Variants in ADCY2 observed in about 807,000 individuals in gnomAD.
ADCY2 encodes the protein adenylate cyclase type 2.
In ADCY2, 31 loss-of-function variants were observed where a neutral mutation model predicts 125.2. The observed-to-expected ratio is 0.25, with a 90% CI of 0.19 to 0.33. The LOEUF (loss-of-function observed/expected upper bound fraction) is 0.33. Among genes scored for constraint, ADCY2 ranks in the 10% least tolerant of loss-of-function variants. The pLI is 1.00. For missense variants in ADCY2, 904 were observed against 1,418.2 expected (o/e 0.64, Z 5.82); for synonymous variants, 512 against 548.4 (o/e 0.93, Z 0.93).
intron 16 of ADCY2, 73 bp from the exon 17 acceptor site, chr5:7,766,614 A>G (rs1743386702): frequency 6.6e-7 from 1 of 1,517,972 alleles, no homozygotes; most frequent in African/African-American, 1.4e-5. Flanking sequence ...CAGAATTCAT[A>G]AAGTTAGCAC....
intron 19 of ADCY2, among the ~76,000 whole-genome samples, chr5:7,787,013 G>A (rs547982288): frequency 6.6e-6 from 1 of 152,234 alleles, no homozygotes; most frequent in South Asian, 2.1e-4. Flanking sequence ...GATTCTCCTG[G>A]GCTCTTCCTT....
rs573199059 is a variant in ADCY2 at position 7,558,546 on chromosome 5, T to G, written c.570+37647T>G. 1.1e-4 allele frequency among the ~76,000 whole-genome samples: 16 copies of G among 152,314 alleles called. No individual in the cohort carries two copies. In the East Asian group the frequency reaches 3.1e-3, roughly 29 times the overall value. ...TTTAATGGGGTGGTTTGTTTTTTTC[T>G]TGTACATTTGTTTAAGTTCCTTATA... On this transcript the variant is annotated intron_variant, in intron 3 of 24. Transcript: ENST00000338316.
At position 7,635,701 on chromosome 5, in the gene ADCY2, G is replaced by T. The variant is rs7725957; in HGVS notation, c.720+9385G>T. Among the ~76,000 whole-genome samples the T allele has an allele frequency of 1.0e-2, 1,518 of 152,256 alleles. 24 individuals are homozygous for T. The highest frequency in any genetic ancestry group is 0.034 in the African/African-American group (1,427 of 41,546). ...GACCAGATGAGATGCCCCAAGGAGA[G>T]AGTGGGATTAGAAAAGATAAAAAGG... On this transcript the variant is annotated intron_variant, in intron 4 of 24. Coordinates refer to ENST00000338316, the MANE Select transcript of ADCY2 (RefSeq NM_020546.3).
intron 3 of ADCY2, among the ~76,000 whole-genome samples, chr5:7,579,031 A>G (rs1055460424): frequency 1.3e-5 from 2 of 152,232 alleles, no homozygotes; most frequent in Admixed American, 6.5e-5. Context: ...TCTTGGAATG[A>G]TAAGTCTTAG....
At chr5:7,748,519 A>AACACACACACACACACACACAG (rs1742702224) in intron 15 of ADCY2, among the ~76,000 whole-genome samples, 7 of 90,118 alleles carry the variant, frequency 7.8e-5, no homozygotes, top group African/African-American at 2.7e-4. Context: ...CCCACCCTCC[A>AACACACACACACACACACACAG]ACACACACAC....
chr5:7,450,389 C>A (rs747531945), intron 2 of ADCY2, among the ~76,000 whole-genome samples: 21 of 152,180 alleles, frequency 1.4e-4, no homozygotes, highest in Admixed American at 8.5e-4. Flanking sequence ...TTCCCTTAAG[C>A]CAAAGCCTAA....
intron 3 of ADCY2, among the ~76,000 whole-genome samples, chr5:7,615,386 G>A (rs1315772796): frequency 6.6e-6 from 1 of 152,104 alleles, no homozygotes; most frequent in Non-Finnish European, 1.5e-5. Flanking sequence ...GTGACTTATA[G>A]CTCTTTCTTG....
intron 24 of ADCY2, among the ~76,000 whole-genome samples, chr5:7,821,392 TC>T (rs919239271): frequency 6.6e-6 from 1 of 151,982 alleles, no homozygotes; most frequent in Non-Finnish European, 1.5e-5. Flanking sequence ...GCTGAAACTA[TC>T]CCCCCAGTTA....
chr5:7,751,993 GA>G (rs1219073276), intron 15 of ADCY2, among the ~76,000 whole-genome samples: 2 of 152,138 alleles, frequency 1.3e-5, no homozygotes, highest in African/African-American at 4.8e-5. Flanking sequence ...TGGCCTCTGG[GA>G]AAACAGAGAC....
At chr5:7,556,628 CT>C (rs1735514494) in intron 3 of ADCY2, among the ~76,000 whole-genome samples, 1 of 152,220 alleles carries the variant, frequency 6.6e-6, no homozygotes, top group African/African-American at 2.4e-5. Context: ...GTCCCCAGGG[CT>C]GCAGACTGGT....
chr5:7,541,830 A>G (rs1249755654), intron 3 of ADCY2, among the ~76,000 whole-genome samples: 1 of 152,232 alleles, frequency 6.6e-6, no homozygotes. Context: ...TGAAGATTAG[A>G]ACAAAAATAA....
chr5:7,558,918 A>G (rs1735622923), intron 3 of ADCY2, among the ~76,000 whole-genome samples: 1 of 137,290 alleles, frequency 7.3e-6, no homozygotes. Flanking sequence ...CAGTTATCCT[A>G]GCACCATTTA....
At chr5:7,463,308 T>C (rs1218465685) in intron 2 of ADCY2, among the ~76,000 whole-genome samples, 2 of 152,172 alleles carry the variant, frequency 1.3e-5, no homozygotes, top group African/African-American at 4.8e-5. Flanking sequence ...TTATTCAGTG[T>C]CCATTACACA....
At chr5:7,462,940 C>G (rs547634477) in intron 2 of ADCY2, among the ~76,000 whole-genome samples, 1 of 152,288 alleles carries the variant, frequency 6.6e-6, no homozygotes, top group South Asian at 2.1e-4. Flanking sequence ...CTAGCTGATG[C>G]AGCAAGCCTG....
chr5:7,713,674 C>T (rs1239989385), intron 11 of ADCY2, among the ~76,000 whole-genome samples: 3 of 152,118 alleles, frequency 2.0e-5, no homozygotes, highest in Non-Finnish European at 4.4e-5. Context: ...AAATCCCAGG[C>T]ACCAACTCCT....
At chr5:7,671,911 C>T (rs990124863) in intron 4 of ADCY2, among the ~76,000 whole-genome samples, 1 of 152,102 alleles carries the variant, frequency 6.6e-6, no homozygotes, top group Non-Finnish European at 1.5e-5. Context: ...AATGATGCCC[C>T]GGAAGGTTAG....
intron 3 of ADCY2, among the ~76,000 whole-genome samples, chr5:7,559,290 A>G (rs1735632628): frequency 6.6e-6 from 1 of 152,156 alleles, no homozygotes; most frequent in African/African-American, 2.4e-5. Flanking sequence ...AATGATATTG[A>G]TTCTTCCTAT....
chr5:7,779,639 T>G (rs914373193), intron 18 of ADCY2, among the ~76,000 whole-genome samples: 2 of 152,170 alleles, frequency 1.3e-5, no homozygotes, highest in Admixed American at 6.6e-5. Flanking sequence ...AGCTCTTTTC[T>G]AAGCAGGAGC....
intron 5 of ADCY2, among the ~76,000 whole-genome samples, chr5:7,692,553 A>C (rs879433608): frequency 1.3e-5 from 2 of 152,222 alleles, no homozygotes; most frequent in Non-Finnish European, 2.9e-5. Flanking sequence ...CAATTATAGA[A>C]GAAACATTTA....
Sources: gnomAD v4.1 joint callset for allele counts (sites outside exome capture counted in the v4.1 genomes callset) on GRCh38, gnomAD v4.1.1 for gene constraint, MANE v1.5 for transcripts, NCBI Gene and HGNC (gene_info 2026-07-23, HGNC 2026-07-21) for gene names.